COL9A3: variants seen among roughly 807,000 people sequenced by gnomAD.
The protein encoded by COL9A3 is collagen alpha-3(IX) chain.
Under a neutral mutation model 110.2 loss-of-function variants are expected in COL9A3, and 82 were observed. That is an observed-to-expected ratio of 0.74 (90% CI 0.62 to 0.89). The LOEUF is 0.89. Among genes scored for constraint, COL9A3 ranks in the 40% least tolerant of loss-of-function variants. The pLI, the probability that COL9A3 is intolerant of heterozygous loss-of-function variation, is 0.00. For missense variants in COL9A3, 1,066 were observed against 981.3 expected (o/e 1.09, Z -1.15); for synonymous variants, 494 against 403.8 (o/e 1.22, Z -2.68).
At chr20:62,840,516 A>T in intron 31 of COL9A3, 26 bp from the exon 32 acceptor site, 1 of 1,606,998 alleles carries the variant, frequency 6.2e-7, no homozygotes, top group Non-Finnish European at 8.5e-7. Flanking sequence ...GCTGCAGCTG[A>T]ACTCACCTTT....
At position 62,824,333 on chromosome 20, in the gene COL9A3, G is replaced by A. The variant is rs1472566248; in HGVS notation, c.520-112G>A. 7 of 1,142,476 alleles carry A rather than the reference G, an allele frequency of 6.1e-6. No individual in the cohort carries two copies. In the East Asian group the frequency reaches 1.5e-4, roughly 25 times the overall value. 70.8% of individuals were successfully genotyped at this position (1,142,476 alleles called of 1,614,324 possible). A position where few individuals can be genotyped will look rare whatever the true frequency, so the allele number is the denominator to read the frequency against. ...GTCACCATGAGGAGTGGCCTCCCGG[G>A]GTCCCGTCACCGTGCAGAGTGGCCT... On this transcript the variant is annotated intron_variant, in intron 10 of 31. Coordinates refer to ENST00000649368, the MANE Select transcript of COL9A3 (RefSeq NM_001853.4).
In COL9A3 at chr20:62,836,269, C is replaced by T. The variant is rs1200317520; in HGVS notation, c.1484C>T (p.Pro495Leu). Residue 495 changes from proline (P) to leucine (L), a missense_variant, in exon 28 of 32, where the codon CCC becomes CTC. Coordinates refer to ENST00000649368, the MANE Select transcript of COL9A3 (RefSeq NM_001853.4). Reference protein sequence around the residue: ...TSGVQGVPGPPGPLGLQGVPG... With the variant: ...TSGVQGVPGPLGPLGLQGVPG... ...GGTGTTCAGGGTGTCCCCGGGCCCC[C>T]CGGTCCTCTGGGCCTGCAGGGCGTC... The T allele has an allele frequency of 1.9e-6, 3 of 1,613,876 alleles. No homozygotes were observed. Among genetic ancestry groups the T allele is most frequent in the Non-Finnish European group, 1.7e-6 (2 of 1,180,008 alleles).
At chr20:62,831,809 C>T (rs1253824203) in intron 24 of COL9A3, 8 of 387,188 alleles carry the variant, frequency 2.1e-5, no homozygotes, top group East Asian at 1.5e-4. Context: ...TTCACAATGC[C>T]GGGGGAAGGT....
rs949673530 is a variant in COL9A3 at position 62,841,159 on chromosome 20, A to G, written c.*427A>G. Reference sequence around the variant, plus strand: ...TAATGTACAGTAAATTCTCTCCCATACAAAGGTCTAGTCTGATGTTTTGTG... The same window carrying G: ...TAATGTACAGTAAATTCTCTCCCATGCAAAGGTCTAGTCTGATGTTTTGTG... On this transcript the variant is annotated 3_prime_UTR_variant, in exon 32 of 32. Transcript: ENST00000649368. The G allele has an allele frequency of 2.0e-5, 4 of 203,130 alleles. No individual in the cohort carries two copies. The highest frequency in any genetic ancestry group is 9.6e-5 in the African/African-American group (4 of 41,860). 12.6% of individuals were successfully genotyped at this position (203,130 alleles called of 1,614,324 possible). A position where few individuals can be genotyped will look rare whatever the true frequency, so the allele number is the denominator to read the frequency against.
intron 27 of COL9A3, 67 bp from the exon 28 acceptor site, chr20:62,836,120 G>A: frequency 3.7e-6 from 6 of 1,605,700 alleles, no homozygotes; most frequent in Non-Finnish European, 5.1e-6. Flanking sequence ...GGCTGGGAAA[G>A]AGCACGTCGG....
In COL9A3 at chr20:62,819,330, C is replaced by G. The variant is rs371586388; in HGVS notation, c.255+37C>G. On this transcript the variant is annotated intron_variant, in intron 4 of 31. Transcript: ENST00000649368. ...TGCCCCTCCCCGCCATGCCCCACTC[C>G]CCGCTCCGGGTCCCTGGAGGAGTCC... 99 of 1,538,520 alleles carry G rather than the reference C, an allele frequency of 6.4e-5. No homozygotes were observed. The African/African-American group carries it at 1.3e-3, about 19-fold the overall frequency.
In COL9A3 at chr20:62,817,102, T is replaced by A; in HGVS notation, c.38T>A (p.Leu13Gln). 2 of 1,404,982 alleles carry A rather than the reference T, an allele frequency of 1.4e-6. No individual in the cohort carries two copies. Among genetic ancestry groups the A allele is most frequent in the South Asian group, 1.4e-5 (1 of 72,202 alleles). The allele number at this position is 1,404,982 out of a possible 1,614,324, so 87.0% of individuals were successfully genotyped here. The change falls in exon 1 of 32, where the codon CTG (leucine) becomes CAG (glutamine). Residue 13 changes from leucine (L) to glutamine (Q), a missense_variant. Physicochemically the swap from Leu to Gln is moderately radical, Grantham distance 113 (BLOSUM62 -2). Transcript: ENST00000649368. ...CGCGCGTGCGCCCCGCTCCTGCTCC[T>A]GCTCCTGCTCGGGGAGCTTCTGGCG... The part of the protein sequence containing the change: ...GPRACAPLLL[L>Q]LLLGELLAAA...
chr20:62,833,005 G>A lies in COL9A3; in HGVS notation c.1324-15G>A, dbSNP rs372005334. 57 of 1,613,204 alleles carry A rather than the reference G, an allele frequency of 3.5e-5. No homozygotes were observed. The Middle Eastern group carries it at 6.6e-4, about 19-fold the overall frequency. On this transcript the variant is annotated splice_polypyrimidine_tract_variant and intron_variant, in intron 25 of 31. Transcript: ENST00000649368. ...CATGAACAGCTCTTTTAACTTTGGG[G>A]TGTATCGTTTTCAGGGTATTGCAGG...
chr20:62,825,881 G>A lies in COL9A3; in HGVS notation c.684+11G>A, dbSNP rs557849388. The A allele has an allele frequency of 4.5e-6, 7 of 1,558,490 alleles. No individual in the cohort carries two copies. The highest frequency in any genetic ancestry group is 1.4e-5 in the African/African-American group (1 of 73,828). ...AGCGTGGGGCTGCAGGTGAGGCTAGGAAGGGGTAAGGATGGTGGGATGGGA... is the reference window on the plus strand; with the variant it reads ...AGCGTGGGGCTGCAGGTGAGGCTAGAAAGGGGTAAGGATGGTGGGATGGGA... On this transcript the variant is annotated intron_variant, in intron 13 of 31. Coordinates refer to ENST00000649368, the MANE Select transcript of COL9A3 (RefSeq NM_001853.4).
chr20:62,824,998 G>T lies in COL9A3; in HGVS notation c.607G>T (p.Glu203Ter). Residue 203 changes from glutamate to a stop codon, truncating the protein, a stop_gained, in exon 12 of 32, where the codon GAA becomes TAA. Coordinates refer to ENST00000649368, the MANE Select transcript of COL9A3 (RefSeq NM_001853.4). LOFTEE classifies it high-confidence loss of function. ...GPTGYKGEQG[E>*]VGKDGEKGDP... ...CACTGGCTACAAAGGCGAGCAGGGG[G>T]AAGTCGGCAAGGACGGCGAGAAGGT... 6.2e-7 allele frequency: 1 copy of T among 1,609,908 alleles called. No individual in the cohort carries two copies. Among genetic ancestry groups the T allele is most frequent in the South Asian group, 1.1e-5 (1 of 90,658 alleles).
chr20:62,822,426 G>A (rs2063519618), intron 9 of COL9A3, among the ~76,000 whole-genome samples, 165 bp from the exon 10 acceptor site: 1 of 147,028 alleles, frequency 6.8e-6, no homozygotes, highest in Non-Finnish European at 1.5e-5. Context: ...CTGTGGGTGG[G>A]CCAGCAGCTC....
At chr20:62,822,062 C>G in intron 8 of COL9A3, 49 bp from the exon 9 acceptor site, 1 of 1,140,066 alleles carries the variant, frequency 8.8e-7, no homozygotes, top group Non-Finnish European at 1.3e-6. Flanking sequence ...GGGCACCTCA[C>G]TCAGGTGGGG....
intron 8 of COL9A3, 42 bp from the exon 9 acceptor site, chr20:62,822,069 G>T (rs757755701): frequency 1.1e-5 from 13 of 1,225,750 alleles, no homozygotes; most frequent in African/African-American, 1.5e-5. Context: ...TCACTCAGGT[G>T]GGGGCTGGTC....
intron 2 of COL9A3, chr20:62,817,961 G>A (rs1177278301): frequency 2.3e-6 from 1 of 434,146 alleles, no homozygotes; most frequent in Non-Finnish European, 4.5e-6. Context: ...TCCTTTGGGT[G>A]GTTGGGGGCC....
intron 30 of COL9A3, 85 bp from the exon 31 acceptor site, chr20:62,838,599 T>G: frequency 8.1e-7 from 1 of 1,232,550 alleles, no homozygotes; most frequent in Non-Finnish European, 1.2e-6. Flanking sequence ...GGCACCCTGT[T>G]TGTTACAAAG....
chr20:62,840,948 G>GC lies in COL9A3; in HGVS notation c.*219dup, dbSNP rs1555826377. ...AAGGCCCTAGCTAATAAACCTGTAA[G>GC]CCCAGCATTTGAGAGAAGGTAGGGT... On this transcript the variant is annotated 3_prime_UTR_variant, in exon 32 of 32. Transcript: ENST00000649368. 1.7e-6 allele frequency: 1 copy of GC among 583,602 alleles called. No individual in the cohort carries two copies. Among genetic ancestry groups the GC allele is most frequent in the Non-Finnish European group, 3.1e-6 (1 of 322,890 alleles). The allele number at this position is 583,602 out of a possible 1,614,324, so 36.2% of individuals were successfully genotyped here. A position where few individuals can be genotyped will look rare whatever the true frequency, so the allele number is the denominator to read the frequency against.
intron 1 of COL9A3, 192 bp downstream of exon 1, chr20:62,817,334 C>A: frequency 4.1e-6 from 2 of 492,642 alleles, no homozygotes; most frequent in Admixed American, 4.4e-5. Context: ...TGGCCCGGGT[C>A]GGCCGGCGCC....
rs1435312519 is a variant in COL9A3 at position 62,838,677 on chromosome 20, G to GT, written c.1787-6dup. The GT allele has an allele frequency of 6.4e-7, 1 of 1,552,010 alleles. No individual in the cohort carries two copies. Among genetic ancestry groups the GT allele is most frequent in the East Asian group, 2.4e-5 (1 of 40,980 alleles). ...AACCATATGTCTGTGTCCACACCTCGTGACAGGAAACCAGGGTGACAGAGG... is the reference window on the plus strand; with the variant it reads ...AACCATATGTCTGTGTCCACACCTCGTTGACAGGAAACCAGGGTGACAGAGG... On this transcript the variant is annotated splice_region_variant and splice_polypyrimidine_tract_variant and intron_variant, in intron 30 of 31. Coordinates refer to ENST00000649368, the MANE Select transcript of COL9A3 (RefSeq NM_001853.4).
At chr20:62,832,767 C>T (rs537409191) in intron 25 of COL9A3, 4 of 370,688 alleles carry the variant, frequency 1.1e-5, no homozygotes, top group Non-Finnish European at 1.7e-5. Flanking sequence ...GAACCCCCAC[C>T]GCAGGTTCTG....
Sources: gnomAD v4.1 joint callset for allele counts (sites outside exome capture counted in the v4.1 genomes callset) on GRCh38, gnomAD v4.1.1 for gene constraint, MANE v1.5 for transcripts, NCBI Gene and HGNC (gene_info 2026-07-23, HGNC 2026-07-21) for gene names.